Variants in MAST2 observed in about 807,000 individuals in gnomAD.
MAST2 encodes microtubule associated serine/threonine kinase 2.
MAST2 carries 70 observed loss-of-function variants against 147.4 expected under a neutral mutation model. That is an observed-to-expected ratio of 0.47 (90% CI 0.39 to 0.58). The LOEUF (loss-of-function observed/expected upper bound fraction) is 0.58. MAST2 is among the 20% of genes least tolerant of loss of function. The probability of loss-of-function intolerance (pLI) is 0.00; values close to 1 mark genes in which losing one functional copy is unlikely to be tolerated. For missense variants in MAST2, 2,080 were observed against 2,302.3 expected, an observed-to-expected ratio of 0.90 and a Z score of 1.98; for synonymous variants, 869 against 896.8, an observed-to-expected ratio of 0.97 and a Z score of 0.55.
chr1:46,033,462 G>A (rs1309627178), intron 26 of MAST2, among the ~76,000 whole-genome samples: 3 of 151,574 alleles, frequency 2.0e-5, no homozygotes, highest in Non-Finnish European at 4.4e-5. Flanking sequence ...AAAGATGTAG[G>A]TACACACAGA....
intron 15 of MAST2, among the ~76,000 whole-genome samples, chr1:46,024,709 G>C (rs935774564): frequency 6.6e-6 from 1 of 152,162 alleles, no homozygotes; most frequent in African/African-American, 2.4e-5. Flanking sequence ...AAAAACATTA[G>C]GCTGGTACAA....
intron 4 of MAST2, among the ~76,000 whole-genome samples, chr1:45,932,651 A>G (rs1350522416): frequency 6.6e-6 from 1 of 152,108 alleles, no homozygotes; most frequent in Non-Finnish European, 1.5e-5. Flanking sequence ...CTGGCCTGGG[A>G]GACAGAGTGA....
At chr1:45,898,352 A>G (rs1354767139) in intron 4 of MAST2, among the ~76,000 whole-genome samples, 1 of 152,092 alleles carries the variant, frequency 6.6e-6, no homozygotes, top group Non-Finnish European at 1.5e-5. Flanking sequence ...TTAGACAACC[A>G]ATGTTTCAAT....
chr1:45,994,602 A>G (rs1222884647), intron 5 of MAST2, among the ~76,000 whole-genome samples: 1 of 151,710 alleles, frequency 6.6e-6, no homozygotes, highest in Non-Finnish European at 1.5e-5. Flanking sequence ...CAAAGCCCCA[A>G]CCCTCCAATT....
At chr1:45,946,861 A>G (rs972687754) in intron 4 of MAST2, among the ~76,000 whole-genome samples, 2 of 152,172 alleles carry the variant, frequency 1.3e-5, no homozygotes, top group Non-Finnish European at 2.9e-5. Context: ...TCTCTGTCAT[A>G]GCAGACCTGC....
chr1:45,814,647 C>T (rs188957932), intron 1 of MAST2, among the ~76,000 whole-genome samples: 21 of 152,174 alleles, frequency 1.4e-4, no homozygotes, highest in African/African-American at 2.2e-4. Context: ...ATTAGCCCAG[C>T]GTGGTGGCGC....
At chr1:45,968,593 G>T (rs1643736846) in intron 5 of MAST2, among the ~76,000 whole-genome samples, 1 of 151,684 alleles carries the variant, frequency 6.6e-6, no homozygotes, top group South Asian at 2.1e-4. Context: ...CTGAAGATAA[G>T]GTGTTTTTTC....
In MAST2 at chr1:45,881,368, A is replaced by G. The variant is rs1054651555; in HGVS notation, c.469-996A>G. ...AGTTTTCATAATGTTGGCTGATGTCAACAGAGGAATACATATAATATAATA... is the reference window on the plus strand; with the variant it reads ...AGTTTTCATAATGTTGGCTGATGTCGACAGAGGAATACATATAATATAATA... On this transcript the variant is annotated intron_variant, in intron 3 of 28. Coordinates refer to ENST00000361297, the MANE Select transcript of MAST2 (RefSeq NM_015112.3). 9.8e-5 allele frequency among the ~76,000 whole-genome samples: 15 copies of G among 152,390 alleles called. 1 individual carries two copies. The highest frequency in any genetic ancestry group is 6.2e-4 in the South Asian group (3 of 4,832).
At chr1:45,902,525 AT>A (rs796231653) in intron 4 of MAST2, among the ~76,000 whole-genome samples, 64 of 146,238 alleles carry the variant, frequency 4.4e-4, no homozygotes, top group South Asian at 1.1e-3. Context: ...CTCATACTCA[AT>A]TTTTTTTTTT....
At chr1:45,962,276 G>GT (rs1557970212) in intron 5 of MAST2, among the ~76,000 whole-genome samples, 1 of 152,050 alleles carries the variant, frequency 6.6e-6, no homozygotes, top group Non-Finnish European at 1.5e-5. Flanking sequence ...AGTCCTTTGG[G>GT]TATATACCCA....
At chr1:45,998,409 C>T (rs1178099182) in intron 6 of MAST2, among the ~76,000 whole-genome samples, 2 of 152,252 alleles carry the variant, frequency 1.3e-5, no homozygotes, top group Admixed American at 1.3e-4. Flanking sequence ...AAACCTGTCT[C>T]TGGCCCATGG....
intron 3 of MAST2, among the ~76,000 whole-genome samples, chr1:45,879,091 T>C (rs968383490): frequency 4.6e-5 from 7 of 151,902 alleles, no homozygotes; most frequent in African/African-American, 1.7e-4. Context: ...GATAGTGTGG[T>C]GCTTGCATAG....
At chr1:45,852,435 C>G (rs903200504) in intron 3 of MAST2, among the ~76,000 whole-genome samples, 11 of 152,068 alleles carry the variant, frequency 7.2e-5, no homozygotes, top group African/African-American at 2.4e-4. Flanking sequence ...AGTCATGGCT[C>G]ACTGCAGCCT....
At chr1:45,833,893 A>G (rs1333810585) in intron 3 of MAST2, among the ~76,000 whole-genome samples, 1 of 149,298 alleles carries the variant, frequency 6.7e-6, no homozygotes, top group African/African-American at 2.5e-5. Flanking sequence ...TGAGCTACTT[A>G]TTTACCTACT....
Position 45,964,553 on chromosome 1 carries a change from G to A in MAST2, c.592+5076G>A, listed in dbSNP as rs188433945. Among the ~76,000 whole-genome samples, 408 of 152,160 alleles carry A rather than the reference G, an allele frequency of 2.7e-3. 3 individuals are homozygous for A. The highest frequency in any genetic ancestry group is 9.4e-3 in the African/African-American group (391 of 41,520). The stretch of plus-strand genomic sequence containing the variant: ...TGGTAGTTTGTATTTCTGTGGGATC[G>A]GTGGTGATAACCCCTTTATCATTTT... On this transcript the variant is annotated intron_variant, in intron 5 of 28. Coordinates refer to ENST00000361297, the MANE Select transcript of MAST2 (RefSeq NM_015112.3).
At chr1:46,030,963 G>T in intron 22 of MAST2, 44 bp from the exon 23 acceptor site, 1 of 1,592,736 alleles carries the variant, frequency 6.3e-7, no homozygotes, top group South Asian at 1.1e-5. Flanking sequence ...GGCAGGAGGA[G>T]GGGGACCACC....
intron 3 of MAST2, among the ~76,000 whole-genome samples, chr1:45,864,627 CT>C (rs1646084697): frequency 6.6e-6 from 1 of 152,120 alleles, no homozygotes; most frequent in Admixed American, 6.6e-5. Context: ...GAATTGTCAT[CT>C]TTTTAAAAAC....
chr1:45,905,196 A>G lies in MAST2; in HGVS notation c.500+22801A>G, dbSNP rs1316094188. On this transcript the variant is annotated intron_variant, in intron 4 of 28. Coordinates refer to ENST00000361297, the MANE Select transcript of MAST2 (RefSeq NM_015112.3). ...AATCTTTTTTTTTTTTTTTTTTTTG[A>G]GGCAGAGTCTTGCTGTGTCACTCAG... is the stretch of plus-strand genomic sequence containing the variant. Among the ~76,000 whole-genome samples, 57 of 99,932 alleles carry G rather than the reference A, an allele frequency of 5.7e-4. 1 individual carries two copies. In the East Asian group the frequency reaches 0.011, roughly 20 times the overall value. The allele number at this position is 99,932 out of a possible 152,430, so 65.6% of individuals were successfully genotyped here.
At position 45,975,495 on chromosome 1, in the gene MAST2, C is replaced by CAAAAAAA. The variant is rs60802520; in HGVS notation, c.592+16038_592+16044dup. On this transcript the variant is annotated intron_variant, in intron 5 of 28. Transcript: ENST00000361297. Reference sequence around the variant, plus strand: ...GCAATATAGTGAGTCCCTGTCTCTCCAAAAAAAAAAAAAAAAAAAAAAAAA... The same window carrying CAAAAAAA: ...GCAATATAGTGAGTCCCTGTCTCTCCAAAAAAAAAAAAAAAAAAAAAAAAAAAAAAAA... Among the ~76,000 whole-genome samples the CAAAAAAA allele has an allele frequency of 1.2e-3, 50 of 40,430 alleles. 20 individuals are homozygous for CAAAAAAA. The highest frequency in any genetic ancestry group is 4.5e-3 in the African/African-American group (46 of 10,260). 26.5% of individuals were successfully genotyped at this position (40,430 alleles called of 152,430 possible).
Sources: allele counts gnomAD v4.1 joint callset (sites outside exome capture counted in the v4.1 genomes callset), GRCh38; gene constraint gnomAD v4.1.1; transcripts MANE v1.5; gene names NCBI Gene and HGNC (gene_info 2026-07-23, HGNC 2026-07-21).